Variants in CCDC60 observed in about 807,000 individuals in gnomAD.
The protein encoded by CCDC60 is coiled-coil domain containing 60.
In CCDC60, 54 loss-of-function variants were observed where a neutral mutation model predicts 63.5. That is an observed-to-expected ratio of 0.85 (90% CI 0.68 to 1.07). The LOEUF (loss-of-function observed/expected upper bound fraction) is 1.07. CCDC60 is among the 50% of genes least tolerant of loss of function. CCDC60 has a pLI of 0.00. For missense variants in CCDC60, 651 were observed against 684.3 expected, an observed-to-expected ratio of 0.95 and a Z score of 0.54; for synonymous variants, 206 against 238.8, an observed-to-expected ratio of 0.86 and a Z score of 1.27.
intron 1 of CCDC60, among the ~76,000 whole-genome samples, chr12:119,386,627 G>T (rs1956065671): frequency 6.6e-6 from 1 of 152,166 alleles, no homozygotes; most frequent in African/African-American, 2.4e-5. Context: ...TGACCAGGTG[G>T]CAGCATTCCA....
At chr12:119,491,247 A>T (rs1162603554) in intron 5 of CCDC60, among the ~76,000 whole-genome samples, 1 of 152,196 alleles carries the variant, frequency 6.6e-6, no homozygotes, top group Non-Finnish European at 1.5e-5. Flanking sequence ...ATTAACAGAC[A>T]CTGAGGTCAT....
chr12:119,382,024 G>A (rs1240751442), intron 1 of CCDC60, among the ~76,000 whole-genome samples: 1 of 152,196 alleles, frequency 6.6e-6, no homozygotes, highest in African/African-American at 2.4e-5. Context: ...TATCGTTAGT[G>A]CTTGAGAGAG....
At chr12:119,419,553 C>T (rs992844000) in intron 1 of CCDC60, among the ~76,000 whole-genome samples, 3 of 152,130 alleles carry the variant, frequency 2.0e-5, no homozygotes, top group African/African-American at 4.8e-5. Context: ...TCCTTTGTAA[C>T]GAATCATTAA....
chr12:119,434,370 T>C (rs981429110), intron 2 of CCDC60, among the ~76,000 whole-genome samples: 1 of 152,024 alleles, frequency 6.6e-6, no homozygotes, highest in Admixed American at 6.6e-5. Flanking sequence ...GTTTATTGAG[T>C]ATGAGATATC....
intron 1 of CCDC60, among the ~76,000 whole-genome samples, chr12:119,350,757 C>G (rs949243368): frequency 1.3e-5 from 2 of 152,086 alleles, no homozygotes; most frequent in African/African-American, 4.8e-5. Flanking sequence ...GCTGTGCACT[C>G]CCCTCAGATC....
chr12:119,364,535 C>G (rs1487814308), intron 1 of CCDC60, among the ~76,000 whole-genome samples: 2 of 152,214 alleles, frequency 1.3e-5, no homozygotes, highest in African/African-American at 4.8e-5. Flanking sequence ...TGAGACTCAT[C>G]ATGTTGTTGG....
At chr12:119,373,671 G>A (rs1196421053) in intron 1 of CCDC60, among the ~76,000 whole-genome samples, 1 of 131,776 alleles carries the variant, frequency 7.6e-6, no homozygotes, top group South Asian at 2.8e-4. Flanking sequence ...GTGGGGTGGG[G>A]GGGGGTCTCA....
At position 119,391,659 on chromosome 12, in the gene CCDC60, T is replaced by A. The variant is rs114707333; in HGVS notation, c.91-37024T>A. Among the ~76,000 whole-genome samples the A allele has an allele frequency of 4.2e-3, 646 of 152,370 alleles. 3 individuals carry two copies. The highest frequency in any genetic ancestry group is 0.014 in the African/African-American group (584 of 41,586). On this transcript the variant is annotated intron_variant, in intron 1 of 13. Transcript: ENST00000327554. The stretch of plus-strand genomic sequence containing the variant: ...GTGCATGTCATGTGATGCTGCGGTG[T>A]CTGGCACCTAGCAAATGAGAGCTAT...
At chr12:119,465,491 T>A (rs1344317505) in intron 2 of CCDC60, among the ~76,000 whole-genome samples, 1 of 149,178 alleles carries the variant, frequency 6.7e-6, no homozygotes, top group Non-Finnish European at 1.5e-5. Flanking sequence ...GGCGAGGTGG[T>A]TCACACCTGT....
chr12:119,368,261 A>G (rs1160199508), intron 1 of CCDC60, among the ~76,000 whole-genome samples: 1 of 151,920 alleles, frequency 6.6e-6, no homozygotes, highest in East Asian at 1.9e-4. Flanking sequence ...AGAAAAGAAG[A>G]AGACGGCTCT....
chr12:119,364,404 C>A (rs1479166846), intron 1 of CCDC60, among the ~76,000 whole-genome samples: 5 of 152,160 alleles, frequency 3.3e-5, no homozygotes, highest in Non-Finnish European at 4.4e-5. Context: ...ACCCAGGCAA[C>A]TCCTCATCTA....
Position 119,504,902 on chromosome 12 carries a change from G to A in CCDC60, c.649-167G>A, listed in dbSNP as rs114910777. On this transcript the variant is annotated intron_variant, in intron 6 of 13. Coordinates refer to ENST00000327554, the MANE Select transcript of CCDC60 (RefSeq NM_178499.5). ...GTGACAAAAGGTCACTCCAGATCCA[G>A]AATATATCTCATGGTGTTTGGAAAG... Among the ~76,000 whole-genome samples the A allele has an allele frequency of 8.2e-3, 1,252 of 152,248 alleles. 13 individuals carry two copies. The highest frequency in any genetic ancestry group is 0.029 in the African/African-American group (1,202 of 41,534).
chr12:119,360,540 CG>C, intron 1 of CCDC60, among the ~76,000 whole-genome samples: 1 of 149,368 alleles, frequency 6.7e-6, no homozygotes, highest in Middle Eastern at 3.8e-3. Context: ...TCAGACGGGG[CG>C]GCCGGGCGGA....
chr12:119,525,901 C>A (rs1055664513), intron 11 of CCDC60, among the ~76,000 whole-genome samples: 20 of 151,994 alleles, frequency 1.3e-4, no homozygotes, highest in African/African-American at 4.6e-4. Flanking sequence ...CTTCACAGAA[C>A]TAGAAAAAAA....
chr12:119,350,217 A>G (rs1955642508), intron 1 of CCDC60, among the ~76,000 whole-genome samples: 1 of 149,390 alleles, frequency 6.7e-6, no homozygotes. Context: ...TTATTTTTTG[A>G]GACAGAGTCT....
chr12:119,449,555 C>T (rs1384007654), intron 2 of CCDC60, among the ~76,000 whole-genome samples: 1 of 152,096 alleles, frequency 6.6e-6, no homozygotes, highest in East Asian at 1.9e-4. Context: ...AAAAAAAAGG[C>T]GTGTATTTAA....
At chr12:119,469,239 C>G (rs1285239878) in intron 2 of CCDC60, among the ~76,000 whole-genome samples, 1 of 152,100 alleles carries the variant, frequency 6.6e-6, no homozygotes, top group Admixed American at 6.6e-5. Flanking sequence ...TATAATGGCA[C>G]TTTCTTGCTT....
chr12:119,387,821 C>T (rs759439660), intron 1 of CCDC60, among the ~76,000 whole-genome samples: 18 of 152,160 alleles, frequency 1.2e-4, no homozygotes, highest in Non-Finnish European at 1.9e-4. Flanking sequence ...CCTAGGTCCC[C>T]TCTGACGCAC....
chr12:119,347,073 T>TGGGATTA (rs1955605245), intron 1 of CCDC60, among the ~76,000 whole-genome samples: 1 of 152,070 alleles, frequency 6.6e-6, no homozygotes, highest in African/African-American at 2.4e-5. Flanking sequence ...TCCACCCACC[T>TGGGATTA]CAGCCTCTCA....
Sources: gnomAD v4.1 joint callset for allele counts (sites outside exome capture counted in the v4.1 genomes callset) on GRCh38, gnomAD v4.1.1 for gene constraint, MANE v1.5 for transcripts, NCBI Gene and HGNC (gene_info 2026-07-23, HGNC 2026-07-21) for gene names.